The following TASP1 variants were observed in gnomAD, a reference collection of about 807,000 sequenced individuals.
TASP1 encodes the protein taspase 1.
Under a neutral mutation model 56.6 loss-of-function variants are expected in TASP1, and 16 were observed. That is an observed-to-expected ratio of 0.28 (90% CI 0.19 to 0.43). The LOEUF (loss-of-function observed/expected upper bound fraction) is 0.43. TASP1 is among the 20% of genes least tolerant of loss of function. The pLI is 1.00. For synonymous variants in TASP1, 179 were observed against 184.2 expected (o/e 0.97, Z 0.23); for missense variants, 393 against 511.6 (o/e 0.77, Z 2.24).
At chr20:13,421,602 A>G (rs558143324) in intron 12 of TASP1, among the ~76,000 whole-genome samples, 1 of 152,278 alleles carries the variant, frequency 6.6e-6, no homozygotes, top group Non-Finnish European at 1.5e-5. Flanking sequence ...AATTTACATT[A>G]CTCATACTAA....
chr20:13,474,527 C>T (rs1169798348), intron 11 of TASP1, among the ~76,000 whole-genome samples: 3 of 152,134 alleles, frequency 2.0e-5, no homozygotes, highest in African/African-American at 4.8e-5. Context: ...TCTTTATCCA[C>T]TCGTTAGTCA....
chr20:13,430,249 G>A (rs971035892), intron 12 of TASP1, among the ~76,000 whole-genome samples: 1 of 152,190 alleles, frequency 6.6e-6, no homozygotes, highest in African/African-American at 2.4e-5. Context: ...CTACTGCTAC[G>A]TAATAAATTC....
chr20:13,523,620 G>A (rs908315851), intron 10 of TASP1, among the ~76,000 whole-genome samples: 1 of 152,016 alleles, frequency 6.6e-6, no homozygotes, highest in African/African-American at 2.4e-5. Flanking sequence ...TGAGGCATAA[G>A]GCTGTTCTCA....
the TASP1 span, chr20:13,160,019 A>T: frequency 8.1e-6 from 13 of 1,612,168 alleles, no homozygotes; most frequent in Non-Finnish European, 1.0e-5. Context: ...TGCAAGGCAT[A>T]TGCTAGAGAA....
the TASP1 span, among the ~76,000 whole-genome samples, chr20:13,362,585 G>A: frequency 2.7e-5 from 4 of 150,824 alleles, no homozygotes; most frequent in Admixed American, 1.3e-4. Flanking sequence ...ATCTCCCTTT[G>A]CTGACTCTCT....
intron 11 of TASP1, among the ~76,000 whole-genome samples, chr20:13,456,165 T>A (rs2035891430): frequency 1.3e-5 from 2 of 152,084 alleles, no homozygotes; most frequent in Admixed American, 1.3e-4. Flanking sequence ...AACATACCAG[T>A]CAAGAGCAAC....
At chr20:13,636,093 C>A (rs1442113154) in intron 1 of TASP1, among the ~76,000 whole-genome samples, 1 of 151,094 alleles carries the variant, frequency 6.6e-6, no homozygotes, top group Admixed American at 6.6e-5. Flanking sequence ...TGATAGAAAT[C>A]CAGCCCTTAA....
chr20:13,336,876 T>A, the TASP1 span, among the ~76,000 whole-genome samples: 2 of 152,134 alleles, frequency 1.3e-5, no homozygotes, highest in African/African-American at 4.8e-5. Context: ...GGCCTCCCAG[T>A]TGGGGGATTC....
At chr20:13,274,869 C>T in the TASP1 span, among the ~76,000 whole-genome samples, 1 of 152,076 alleles carries the variant, frequency 6.6e-6, no homozygotes, top group South Asian at 2.1e-4. Context: ...CAAAATAGAA[C>T]AAAAATGGTC....
intron 4 of TASP1, among the ~76,000 whole-genome samples, chr20:13,606,782 G>T (rs6134935): frequency 2.0e-5 from 3 of 148,902 alleles, no homozygotes; most frequent in Admixed American, 2.0e-4. Flanking sequence ...ACTCCAGCCT[G>T]GGCGACTGAG....
At chr20:13,464,187 CAG>C (rs1375798313) in intron 11 of TASP1, among the ~76,000 whole-genome samples, 3 of 152,116 alleles carry the variant, frequency 2.0e-5, no homozygotes, top group African/African-American at 7.2e-5. Flanking sequence ...GTATTGGAGA[CAG>C]AGTCTTTAAA....
At chr20:13,306,234 T>C in the TASP1 span, among the ~76,000 whole-genome samples, 1 of 152,204 alleles carries the variant, frequency 6.6e-6, no homozygotes, top group Non-Finnish European at 1.5e-5. Flanking sequence ...GATATAAAAA[T>C]TTCAAGCCTG....
the TASP1 span, among the ~76,000 whole-genome samples, chr20:13,220,217 G>C: frequency 6.6e-6 from 1 of 152,244 alleles, no homozygotes; most frequent in Non-Finnish European, 1.5e-5. Flanking sequence ...CGGCCGGACT[G>C]AGCGTCCGCT....
chr20:13,392,981 C>A (rs558603874), intron 13 of TASP1: 2 of 586,394 alleles, frequency 3.4e-6, no homozygotes, highest in Non-Finnish European at 6.4e-6. Context: ...AGTATCTTCA[C>A]GACCATGGAG....
At chr20:13,608,531 T>C (rs1299347001) in intron 4 of TASP1, among the ~76,000 whole-genome samples, 1 of 152,250 alleles carries the variant, frequency 6.6e-6, no homozygotes, top group Non-Finnish European at 1.5e-5. Flanking sequence ...TCTGCCACTG[T>C]AGCACAAAAG....
At chr20:13,457,053 T>C (rs144178735) in intron 11 of TASP1, among the ~76,000 whole-genome samples, 2,538 of 151,828 alleles carry the variant, frequency 0.017, 72 homozygotes, top group African/African-American at 0.056. Flanking sequence ...TTCTCACTCA[T>C]AGGTGGGAAC....
At chr20:13,118,072 G>C in the TASP1 span, among the ~76,000 whole-genome samples, 1 of 152,016 alleles carries the variant, frequency 6.6e-6, no homozygotes, top group East Asian at 1.9e-4. Flanking sequence ...AAATAATGGG[G>C]GGCCATATTT....
chr20:13,630,062 C>T lies in TASP1; in HGVS notation c.17G>A (p.Gly6Glu), dbSNP rs148595138. ...AGGCAGCCCTTCTCCAGAACTCATCCCCTTCTCCATGGTCATTCTCCAAGA... is the reference window on the plus strand; with the variant it reads ...AGGCAGCCCTTCTCCAGAACTCATCTCCTTCTCCATGGTCATTCTCCAAGA... The part of the protein sequence containing the change: MTMEK[G>E]MSSGEGLPSR... The change falls in exon 2 of 14, where the codon GGG (glycine) becomes GAG (glutamate). Residue 6 changes from glycine to glutamate, a missense_variant. By Grantham distance (98) the Gly-to-Glu change is moderately conservative. Around this residue, in one of 3 missense-constraint regions of TASP1, gnomAD observed 52 missense variants for 51.1 expected, o/e 1.02. Coordinates refer to ENST00000337743, the MANE Select transcript of TASP1 (RefSeq NM_017714.3). 14 of 1,612,912 alleles carry T rather than the reference C, an allele frequency of 8.7e-6. No individual in the cohort carries two copies. The highest frequency in any genetic ancestry group is 2.7e-5 in the African/African-American group (2 of 74,854).
the TASP1 span, among the ~76,000 whole-genome samples, chr20:13,278,306 A>G: frequency 6.6e-6 from 1 of 152,216 alleles, no homozygotes; most frequent in South Asian, 2.1e-4. Flanking sequence ...CTTTGGCTCC[A>G]GGACTATCTG....
Sources: allele counts gnomAD v4.1 joint callset (sites outside exome capture counted in the v4.1 genomes callset), GRCh38; gene constraint gnomAD v4.1.1; regional missense constraint gnomAD v4.1.1; transcripts MANE v1.5; gene names NCBI Gene and HGNC (gene_info 2026-07-23, HGNC 2026-07-21).